Variants in PCLO observed in about 807,000 individuals in gnomAD.
PCLO encodes the protein protein piccolo.
In PCLO, 82 loss-of-function variants were observed where a neutral mutation model predicts 427.5. The ratio of observed to expected loss-of-function variants is 0.19; its 90% CI spans 0.16 to 0.23. The LOEUF (loss-of-function observed/expected upper bound fraction) is 0.23. Ranked by LOEUF, PCLO falls within the 10% of genes least tolerant of loss-of-function variation. PCLO has a pLI of 1.00. For synonymous variants in PCLO, 2,357 were observed against 2,155.4 expected, an observed-to-expected ratio of 1.09 and a Z score of -2.59; for missense variants, 6,239 against 6,115.9, an observed-to-expected ratio of 1.02 and a Z score of -0.67.
At chr7:82,837,279 G>A (rs1792253899) in intron 15 of PCLO, among the ~76,000 whole-genome samples, 1 of 152,078 alleles carries the variant, frequency 6.6e-6, no homozygotes, top group South Asian at 2.1e-4. Context: ...TGAGTGATGG[G>A]TACATGGTGT....
At chr7:83,102,523 A>G (rs1790761744) in intron 3 of PCLO, among the ~76,000 whole-genome samples, 1 of 151,962 alleles carries the variant, frequency 6.6e-6, no homozygotes, top group African/African-American at 2.4e-5. Context: ...TCGGAATTTG[A>G]AAGTTCTGGG....
intron 1 of PCLO, among the ~76,000 whole-genome samples, chr7:83,157,951 C>T (rs897163972): frequency 6.6e-6 from 1 of 151,990 alleles, no homozygotes; most frequent in Non-Finnish European, 1.5e-5. Context: ...ATATTCAATA[C>T]TTCTTATGAA....
chr7:82,916,830 T>C lies in PCLO; in HGVS notation c.11156A>G (p.Lys3719Arg). Reference protein sequence around the residue: ...QTMTSSGAQKKVKRTLPNPPP... With the variant: ...QTMTSSGAQKRVKRTLPNPPP... ...TGGATTTGGCAGAGTTCTTTTAACT[T>C]TTTTCTGGGCTCCAGAGGATGTCAT... The change falls in exon 7 of 25, where the codon AAA (lysine) becomes AGA (arginine). Residue 3719 changes from lysine (K) to arginine (R), a missense_variant. Around this residue, in one of 5 missense-constraint regions of PCLO, gnomAD observed 4,677 missense variants for 4,468.4 expected, o/e 1.05. Coordinates refer to ENST00000333891, the MANE Select transcript of PCLO (RefSeq NM_033026.6). The C allele has an allele frequency of 6.2e-7, 1 of 1,613,458 alleles. No individual in the cohort carries two copies.
At chr7:83,157,138 G>A (rs1220525483) in intron 1 of PCLO, among the ~76,000 whole-genome samples, 1 of 152,108 alleles carries the variant, frequency 6.6e-6, no homozygotes, top group Non-Finnish European at 1.5e-5. Context: ...GAGAGTGACT[G>A]GGGATTATCC....
intron 6 of PCLO, among the ~76,000 whole-genome samples, chr7:82,929,038 G>GA (rs980072033): frequency 2.6e-5 from 4 of 152,112 alleles, no homozygotes; most frequent in Non-Finnish European, 4.4e-5. Context: ...AGACTTCTGA[G>GA]AAAGAGTAGT....
intron 3 of PCLO, among the ~76,000 whole-genome samples, chr7:83,050,429 T>C (rs1789222434): frequency 6.6e-6 from 1 of 151,884 alleles, no homozygotes; most frequent in Non-Finnish European, 1.5e-5. Flanking sequence ...CACCACACTC[T>C]ACTTTTATTC....
chr7:82,900,880 G>A (rs1484325287), intron 9 of PCLO, among the ~76,000 whole-genome samples: 1 of 151,602 alleles, frequency 6.6e-6, no homozygotes, highest in South Asian at 2.1e-4. Context: ...ATTATTTTTG[G>A]AAATCCAAAA....
At chr7:82,820,514 G>T (rs1290783495) in intron 20 of PCLO, 1 of 1,220,976 alleles carries the variant, frequency 8.2e-7, no homozygotes, top group African/African-American at 1.6e-5. Flanking sequence ...TTATTACACA[G>T]GCACTTGGAG....
chr7:82,839,218 G>T (rs1792305911), intron 14 of PCLO, among the ~76,000 whole-genome samples: 1 of 151,978 alleles, frequency 6.6e-6, no homozygotes, highest in African/African-American at 2.4e-5. Context: ...CATATAGAAA[G>T]ATACTAACTT....
At chr7:83,106,582 G>A (rs574326860) in intron 3 of PCLO, among the ~76,000 whole-genome samples, 1 of 152,100 alleles carries the variant, frequency 6.6e-6, no homozygotes, top group African/African-American at 2.4e-5. Context: ...TATGAGTTTT[G>A]TGAGAGCAGA....
chr7:83,015,884 A>G (rs895656727), intron 3 of PCLO, among the ~76,000 whole-genome samples: 2 of 152,140 alleles, frequency 1.3e-5, no homozygotes, highest in African/African-American at 4.8e-5. Flanking sequence ...TGTTTTTTGC[A>G]TAGTCAAAAG....
intron 3 of PCLO, among the ~76,000 whole-genome samples, chr7:82,995,806 T>C: frequency 6.6e-6 from 1 of 151,970 alleles, no homozygotes; most frequent in East Asian, 1.9e-4. Flanking sequence ...TGTATTGACA[T>C]ATATAAAGTA....
intron 3 of PCLO, among the ~76,000 whole-genome samples, chr7:83,032,949 G>C (rs988605883): frequency 2.0e-5 from 3 of 152,130 alleles, no homozygotes; most frequent in Non-Finnish European, 2.9e-5. Flanking sequence ...CTGGGGAGAA[G>C]TGATTGGATC....
intron 9 of PCLO, among the ~76,000 whole-genome samples, chr7:82,887,577 T>C (rs17210284): frequency 0.16 from 24,491 of 152,136 alleles, 2,609 homozygotes; most frequent in Non-Finnish European, 0.23. Flanking sequence ...GCAAAGCCTA[T>C]AATGTCACTT....
At chr7:83,123,756 G>C (rs1439379747) in intron 3 of PCLO, among the ~76,000 whole-genome samples, 1 of 151,938 alleles carries the variant, frequency 6.6e-6, no homozygotes, top group African/African-American at 2.4e-5. Context: ...TATACACAGA[G>C]CTGAAACAAA....
At chr7:82,970,037 C>CTA (rs1332423486) in intron 3 of PCLO, among the ~76,000 whole-genome samples, 2 of 152,070 alleles carry the variant, frequency 1.3e-5, no homozygotes, top group East Asian at 1.9e-4. Flanking sequence ...CAACATCAGG[C>CTA]TAAGGCCTTA....
chr7:83,056,227 C>G (rs539185604), intron 3 of PCLO, among the ~76,000 whole-genome samples: 1 of 152,044 alleles, frequency 6.6e-6, no homozygotes, highest in South Asian at 2.1e-4. Flanking sequence ...TTTTACAACT[C>G]ATTTTGAGAT....
At chr7:83,055,101 G>A (rs1789347030) in intron 3 of PCLO, among the ~76,000 whole-genome samples, 1 of 152,008 alleles carries the variant, frequency 6.6e-6, no homozygotes. Flanking sequence ...ATCACTACAG[G>A]AAACAGCACG....
chr7:82,940,778 T>TTC (rs1795065742), intron 6 of PCLO, among the ~76,000 whole-genome samples: 1 of 118,340 alleles, frequency 8.5e-6, no homozygotes. Context: ...TTTTTTTTTT[T>TTC]CTGAGACTGA....
Sources: allele counts gnomAD v4.1 joint callset (sites outside exome capture counted in the v4.1 genomes callset), GRCh38; gene constraint gnomAD v4.1.1; regional missense constraint gnomAD v4.1.1; transcripts MANE v1.5; gene names NCBI Gene and HGNC (gene_info 2026-07-23, HGNC 2026-07-21).